Variants in TAFA1 observed in about 807,000 individuals in gnomAD.
TAFA1 encodes chemokine-like protein TAFA-1.
In TAFA1, 4 loss-of-function variants were observed where a neutral mutation model predicts 18.5. That is an observed-to-expected ratio of 0.22 (90% CI 0.11 to 0.49). The LOEUF (loss-of-function observed/expected upper bound fraction) is 0.49. Ranked by LOEUF, TAFA1 falls within the 20% of genes least tolerant of loss-of-function variation. TAFA1 has a pLI of 0.98. For missense variants in TAFA1, 147 were observed against 169.0 expected (o/e 0.87, Z 0.72); for synonymous variants, 56 against 55.2 (o/e 1.01, Z -0.06).
chr3:68,379,080 C>T (rs1055363939), intron 2 of TAFA1, among the ~76,000 whole-genome samples: 1 of 152,162 alleles, frequency 6.6e-6, no homozygotes, highest in African/African-American at 2.4e-5. Flanking sequence ...TTTGAGGAAT[C>T]ACCACATTGT....
chr3:68,140,426 T>C (rs974886463), intron 2 of TAFA1, among the ~76,000 whole-genome samples: 2 of 152,236 alleles, frequency 1.3e-5, no homozygotes, highest in Non-Finnish European at 2.9e-5. Flanking sequence ...TGAGGAATCA[T>C]ACGTTTTCCT....
At chr3:68,077,002 C>A (rs1160944878) in intron 2 of TAFA1, among the ~76,000 whole-genome samples, 14 of 151,908 alleles carry the variant, frequency 9.2e-5, no homozygotes, top group Admixed American at 5.9e-4. Context: ...TTGCCATTCT[C>A]ACTGGTGTGA....
At chr3:68,216,171 A>G (rs1162552607) in intron 2 of TAFA1, among the ~76,000 whole-genome samples, 2 of 152,050 alleles carry the variant, frequency 1.3e-5, no homozygotes, top group African/African-American at 2.4e-5. Context: ...GGCAAGGTTG[A>G]ATAGGTGGAG....
intron 2 of TAFA1, among the ~76,000 whole-genome samples, chr3:68,405,843 G>T (rs2070595831): frequency 6.7e-6 from 1 of 149,172 alleles, no homozygotes; most frequent in Admixed American, 6.7e-5. Flanking sequence ...AACCTAAAAG[G>T]CAAATGACTC....
intron 2 of TAFA1, among the ~76,000 whole-genome samples, chr3:68,035,348 C>A (rs1285751600): frequency 1.3e-5 from 2 of 151,986 alleles, no homozygotes; most frequent in Non-Finnish European, 2.9e-5. Flanking sequence ...TGTGTATATT[C>A]CCTCATACTT....
chr3:68,053,901 T>TA (rs1389020459), intron 2 of TAFA1, among the ~76,000 whole-genome samples: 17 of 152,126 alleles, frequency 1.1e-4, no homozygotes, highest in Admixed American at 6.6e-4. Flanking sequence ...GATGAGGTCT[T>TA]ACTATATTGC....
intron 2 of TAFA1, among the ~76,000 whole-genome samples, chr3:68,200,087 C>T (rs1028619021): frequency 6.6e-6 from 1 of 151,534 alleles, no homozygotes; most frequent in Non-Finnish European, 1.5e-5. Context: ...TCTGCATCTA[C>T]TCATATGATC....
At chr3:68,145,529 T>C (rs1437499907) in intron 2 of TAFA1, 17 of 1,182,250 alleles carry the variant, frequency 1.4e-5, no homozygotes, top group Non-Finnish European at 3.8e-6. Flanking sequence ...GGATGTTTCC[T>C]TTAACAAGTT....
intron 2 of TAFA1, among the ~76,000 whole-genome samples, chr3:68,392,572 C>T (rs557411178): frequency 1.4e-3 from 216 of 152,218 alleles, no homozygotes; most frequent in African/African-American, 5.1e-3. Flanking sequence ...TTCTCAGCAC[C>T]GTATCGCACT....
At chr3:68,329,071 G>A (rs1286840484) in intron 2 of TAFA1, among the ~76,000 whole-genome samples, 3 of 149,412 alleles carry the variant, frequency 2.0e-5, no homozygotes, top group Admixed American at 2.0e-4. Flanking sequence ...AAACAGTCTT[G>A]CTTGTGGCCA....
intron 2 of TAFA1, among the ~76,000 whole-genome samples, chr3:68,037,161 A>C (rs553995508): frequency 9.2e-5 from 14 of 152,254 alleles, no homozygotes; most frequent in Admixed American, 6.5e-4. Flanking sequence ...CAGGCAGAGA[A>C]GGGTAGGAGA....
intron 2 of TAFA1, among the ~76,000 whole-genome samples, chr3:68,277,191 A>T (rs61362708): frequency 0.017 from 2,620 of 152,292 alleles, 88 homozygotes; most frequent in East Asian, 0.13. Flanking sequence ...TCATACCAGA[A>T]TCATACCAGG....
intron 3 of TAFA1, among the ~76,000 whole-genome samples, chr3:68,500,651 G>A (rs371549052): frequency 6.6e-6 from 1 of 151,922 alleles, no homozygotes; most frequent in African/African-American, 2.4e-5. Flanking sequence ...TTGAGTAGCT[G>A]TGACAATGAG....
intron 2 of TAFA1, among the ~76,000 whole-genome samples, chr3:68,117,086 C>T (rs187529255): frequency 5.9e-5 from 9 of 152,314 alleles, no homozygotes; most frequent in Admixed American, 5.9e-4. Flanking sequence ...TGCCTCTCAG[C>T]AGCTCTCTTT....
At chr3:68,189,419 C>A (rs191984021) in intron 2 of TAFA1, among the ~76,000 whole-genome samples, 3 of 151,948 alleles carry the variant, frequency 2.0e-5, no homozygotes, top group African/African-American at 4.8e-5. Context: ...GCTCTGTACA[C>A]CCTGCTTAAA....
Position 68,385,792 on chromosome 3 carries a change from C to T in TAFA1, c.119-31488C>T, listed in dbSNP as rs1436661513. 2.6e-5 allele frequency among the ~76,000 whole-genome samples: 4 copies of T among 151,744 alleles called. No homozygotes were observed. The East Asian group carries it at 7.7e-4, about 29-fold the overall frequency. On this transcript the variant is annotated intron_variant, in intron 2 of 4. Coordinates refer to ENST00000478136, the MANE Select transcript of TAFA1 (RefSeq NM_213609.4). ...CTCATTTACAAATTATTTGTCTTTTCAAATTTTTTTATTTGAAATACAATT... is the reference window on the plus strand; with the variant it reads ...CTCATTTACAAATTATTTGTCTTTTTAAATTTTTTTATTTGAAATACAATT...
chr3:68,340,997 T>C (rs777312503), intron 2 of TAFA1, among the ~76,000 whole-genome samples: 1 of 152,024 alleles, frequency 6.6e-6, no homozygotes, highest in Non-Finnish European at 1.5e-5. Context: ...GTGGGTAAGA[T>C]GTTGATGTCT....
intron 2 of TAFA1, among the ~76,000 whole-genome samples, chr3:68,089,795 C>T (rs1275027658): frequency 6.6e-6 from 1 of 152,128 alleles, no homozygotes; most frequent in African/African-American, 2.4e-5. Context: ...GCTGGTCCCT[C>T]AATGTCTGGG....
intron 2 of TAFA1, among the ~76,000 whole-genome samples, chr3:68,096,570 AC>A (rs988638703): frequency 2.0e-5 from 3 of 152,118 alleles, no homozygotes; most frequent in African/African-American, 7.2e-5. Context: ...AGCATTAGCT[AC>A]ATTTTTCCAG....
Sources: allele counts gnomAD v4.1 joint callset (sites outside exome capture counted in the v4.1 genomes callset), GRCh38; gene constraint gnomAD v4.1.1; transcripts MANE v1.5; gene names NCBI Gene and HGNC (gene_info 2026-07-23, HGNC 2026-07-21).